The following RPS15 variants were observed in gnomAD, a reference collection of about 807,000 sequenced individuals.
RPS15 encodes the protein ribosomal protein S15.
RPS15 carries 5 observed loss-of-function variants against 14.9 expected under a neutral mutation model. The observed-to-expected ratio is 0.34, with a 90% CI of 0.18 to 0.70. RPS15 has a LOEUF of 0.70. Among genes scored for constraint, RPS15 ranks in the 30% least tolerant of loss-of-function variants. The pLI is 0.65. For synonymous variants in RPS15, 103 were observed against 85.0 expected, an observed-to-expected ratio of 1.21 and a Z score of -1.16; for missense variants, 102 against 204.2, an observed-to-expected ratio of 0.50 and a Z score of 3.05.
intron 2 of RPS15, 113 bp from the exon 3 acceptor site, chr19:1,439,906 C>G: frequency 2.3e-6 from 2 of 859,110 alleles, no homozygotes; most frequent in Non-Finnish European, 3.8e-6. Context: ...AGTGACAGGT[C>G]CACTGCGGCT....
chr19:1,439,043 C>A, intron 2 of RPS15, 151 bp downstream of exon 2: 1 of 642,184 alleles, frequency 1.6e-6, no homozygotes, highest in Non-Finnish European at 2.6e-6. Context: ...GTCTTGCGCC[C>A]AGAAAACTGT....
At position 1,440,244 on chromosome 19, in the gene RPS15, G is replaced by A. The variant is rs1336883587; in HGVS notation, c.315G>A (p.Val105=). 2 of 1,613,014 alleles carry A rather than the reference G, an allele frequency of 1.2e-6. No homozygotes were observed. Among genetic ancestry groups the A allele is most frequent in the Non-Finnish European group, 1.7e-6 (2 of 1,179,672 alleles). Residue 105 remains valine, a synonymous_variant, in exon 3 of 4, where the codon GTG becomes GTA. Transcript: ENST00000592588. ...GVYNGKTFNQ[V]EIKPEMIGHY... ...ACAACGGCAAGACCTTCAACCAGGT[G>A]GAGATCAAGGTGTGTGCGGCCGTCC...
Position 1,440,188 on chromosome 19 carries a change from C to G in RPS15, c.259C>G (p.Pro87Ala). ...KTHLRDMIIL[P>A]EMVGSMVGVY... ...GCACCTGCGGGACATGATCATCCTA[C>G]CCGAGATGGTGGGCAGCATGGTGGG... Residue 87 changes from proline to alanine, a missense_variant, in exon 3 of 4, where the codon CCC becomes GCC. This residue lies in a region of RPS15 where 32 missense variants were observed against 107.4 expected (regional missense o/e 0.30). Coordinates refer to ENST00000592588, the MANE Select transcript of RPS15 (RefSeq NM_001018.5). The G allele has an allele frequency of 1.2e-6, 2 of 1,613,092 alleles. No homozygotes were observed. Among genetic ancestry groups the G allele is most frequent in the Non-Finnish European group, 1.7e-6 (2 of 1,179,736 alleles).
rs2083628609 is a variant in RPS15 at position 1,438,713 on chromosome 19, G to C, written c.4-94G>C. 1.3e-6 allele frequency: 2 copies of C among 1,534,510 alleles called. No homozygotes were observed. Among genetic ancestry groups the C allele is most frequent in the African/African-American group, 2.8e-5 (2 of 72,628 alleles). ...TGTCCCTGTCGGGCTTCTGTCCCCG[G>C]CGGCGCCGCGCGTCTTCCGCGGTGT... On this transcript the variant is annotated intron_variant, in intron 1 of 3. Transcript: ENST00000592588. This position sits in a 1 kb window ranked among gnomAD's most constrained non-coding sequence, Gnocchi z 4.8.
In RPS15 at chr19:1,438,814, T is replaced by G; in HGVS notation, c.11T>G (p.Val4Gly). 1 of 1,593,248 alleles carries G rather than the reference T, an allele frequency of 6.3e-7. No homozygotes were observed. Among genetic ancestry groups the G allele is most frequent in the Non-Finnish European group, 8.5e-7 (1 of 1,170,760 alleles). Reference sequence around the variant, plus strand: ...CGATCCGCGCCCGCACAGGCAGAAGTAGAGCAGAAGAAGAAGCGGACCTTC... The same window carrying G: ...CGATCCGCGCCCGCACAGGCAGAAGGAGAGCAGAAGAAGAAGCGGACCTTC... MAE[V>G]EQKKKRTFRK... Residue 4 changes from valine (V) to glycine (G), a missense_variant, in exon 2 of 4, where the codon GTA becomes GGA. Around this residue, in one of 2 missense-constraint regions of RPS15, gnomAD observed 70 missense variants for 96.8 expected, o/e 0.72. Coordinates refer to ENST00000592588, the MANE Select transcript of RPS15 (RefSeq NM_001018.5). The surrounding 1 kb of genome is among the most constrained non-coding windows in gnomAD (Gnocchi z 4.8).
At position 1,438,939 on chromosome 19, in the gene RPS15, G is replaced by T; in HGVS notation, c.89+47G>T. On this transcript the variant is annotated intron_variant, in intron 2 of 3. Coordinates refer to ENST00000592588, the MANE Select transcript of RPS15 (RefSeq NM_001018.5). This position sits in a 1 kb window ranked among gnomAD's most constrained non-coding sequence, Gnocchi z 4.8. ...GCGGGCAGGGGCTGGGCCAGCGGTGGGGCTTGTCCGGGTGAGGGCGGCGGG... is the reference window on the plus strand; with the variant it reads ...GCGGGCAGGGGCTGGGCCAGCGGTGTGGCTTGTCCGGGTGAGGGCGGCGGG... 6.6e-7 allele frequency: 1 copy of T among 1,508,436 alleles called. No individual in the cohort carries two copies. The highest frequency in any genetic ancestry group is 9.0e-7 in the Non-Finnish European group (1 of 1,111,466). The allele number at this position is 1,508,436 out of a possible 1,614,324, so 93.4% of individuals were successfully genotyped here.
Position 1,438,740 on chromosome 19 carries a change from C to A in RPS15, c.4-67C>A. 1.3e-6 allele frequency: 2 copies of A among 1,545,948 alleles called. No homozygotes were observed. The highest frequency in any genetic ancestry group is 1.7e-6 in the Non-Finnish European group (2 of 1,143,388). ...GGCGCCGCGCGTCTTCCGCGGTGTCCTCGGGCCCGGTGGCCCCGGGAGATG... is the reference window on the plus strand; with the variant it reads ...GGCGCCGCGCGTCTTCCGCGGTGTCATCGGGCCCGGTGGCCCCGGGAGATG... On this transcript the variant is annotated intron_variant, in intron 1 of 3. Coordinates refer to ENST00000592588, the MANE Select transcript of RPS15 (RefSeq NM_001018.5). The surrounding 1 kb of genome is among the most constrained non-coding windows in gnomAD (Gnocchi z 4.8).
intron 3 of RPS15, 32 bp downstream of exon 3, chr19:1,440,285 G>C: frequency 1.2e-6 from 2 of 1,612,072 alleles, no homozygotes; most frequent in Non-Finnish European, 8.5e-7. Context: ...GGCTGGGGTG[G>C]GCTGGGGTCG....
chr19:1,438,634 G>T lies in RPS15; in HGVS notation c.4-173G>T. 6.5e-7 allele frequency: 1 copy of T among 1,532,796 alleles called. No individual in the cohort carries two copies. The highest frequency in any genetic ancestry group is 1.2e-5 in the South Asian group (1 of 82,074). The allele number at this position is 1,532,796 out of a possible 1,614,324, so 94.9% of individuals were successfully genotyped here. A position where few individuals can be genotyped will look rare whatever the true frequency, so the allele number is the denominator to read the frequency against. ...AAGGCCTGTCCGGGCCTTCATGTCC[G>T]GGTCCTCGTAACCCGGAGCCGCGAG... On this transcript the variant is annotated intron_variant, in intron 1 of 3. Coordinates refer to ENST00000592588, the MANE Select transcript of RPS15 (RefSeq NM_001018.5). This position sits in a 1 kb window ranked among gnomAD's most constrained non-coding sequence, Gnocchi z 4.8.
intron 2 of RPS15, chr19:1,439,159 G>A (rs1000807244): frequency 4.2e-6 from 2 of 480,120 alleles, no homozygotes; most frequent in Non-Finnish European, 7.3e-6. Context: ...ACGTGACTTA[G>A]AATAAGGGGC....
Position 1,440,010 on chromosome 19 carries a change from C to T in RPS15, c.90-9C>T. The T allele has an allele frequency of 6.5e-7, 1 of 1,545,540 alleles. No homozygotes were observed. The highest frequency in any genetic ancestry group is 1.2e-5 in the South Asian group (1 of 84,014). On this transcript the variant is annotated splice_polypyrimidine_tract_variant and intron_variant, in intron 2 of 3. Coordinates refer to ENST00000592588, the MANE Select transcript of RPS15 (RefSeq NM_001018.5). ...CCGCTCACAAAACTGCCTGGTGCATCCTCCCCAGCGAGCAGCTGATGCAGC... is the reference window on the plus strand; with the variant it reads ...CCGCTCACAAAACTGCCTGGTGCATTCTCCCCAGCGAGCAGCTGATGCAGC...
rs748516532 is a variant in RPS15, at chr19:1,440,190, C to G, written c.261C>G (p.Pro87=). The change falls in exon 3 of 4, where the codon CCC becomes CCG. Residue 87 remains proline (P), a synonymous_variant. Transcript: ENST00000592588. ...KTHLRDMIIL[P]EMVGSMVGVY... ...ACCTGCGGGACATGATCATCCTACC[C>G]GAGATGGTGGGCAGCATGGTGGGCG... 24 of 1,612,972 alleles carry G rather than the reference C, an allele frequency of 1.5e-5. No homozygotes were observed. Among genetic ancestry groups the G allele is most frequent in the Non-Finnish European group, 1.7e-5 (20 of 1,179,728 alleles).
At chr19:1,439,588 T>A in intron 2 of RPS15, 1 of 383,624 alleles carries the variant, frequency 2.6e-6, no homozygotes, top group East Asian at 5.0e-5. Flanking sequence ...GGAAACAGCG[T>A]TTCTCTGTGT....
intron 2 of RPS15, 192 bp from the exon 3 acceptor site, chr19:1,439,827 G>A (rs906291581): frequency 6.3e-6 from 4 of 638,784 alleles, no homozygotes; most frequent in South Asian, 1.8e-5. Context: ...CATGTGAGGG[G>A]TGAGTCGCGC....
At chr19:1,439,211 G>A (rs1160248353) in intron 2 of RPS15, 1 of 350,818 alleles carries the variant, frequency 2.9e-6, no homozygotes, top group African/African-American at 2.2e-5. Context: ...GGAGGTCGCT[G>A]GGTCCTTTCC....
At chr19:1,439,956 C>T (rs550779272) in intron 2 of RPS15, 63 bp from the exon 3 acceptor site, 2 of 1,328,340 alleles carry the variant, frequency 1.5e-6, no homozygotes, top group East Asian at 2.5e-5. Flanking sequence ...CTCTGTCCGC[C>T]GGAGTGCGTA....
rs916871838 is a variant in RPS15 at position 1,439,104 on chromosome 19, CT to C, written c.89+216del. 4.4e-5 allele frequency: 24 copies of C among 549,124 alleles called. No homozygotes were observed. The South Asian group carries it at 5.1e-4, about 12-fold the overall frequency. 34.0% of individuals were successfully genotyped at this position (549,124 alleles called of 1,614,324 possible). A position where few individuals can be genotyped will look rare whatever the true frequency, so the allele number is the denominator to read the frequency against. ...TTTGCAACCTGCCCCCCGTTGTTCA[CT>C]TTTCCGCGGCTTAGTTGGAAGGTGT... On this transcript the variant is annotated intron_variant, in intron 2 of 3. Coordinates refer to ENST00000592588, the MANE Select transcript of RPS15 (RefSeq NM_001018.5).
Position 1,438,594 on chromosome 19 carries a change from C to T in RPS15, c.3+166C>T. 6.5e-7 allele frequency: 1 copy of T among 1,545,438 alleles called. No individual in the cohort carries two copies. The highest frequency in any genetic ancestry group is 1.4e-5 in the African/African-American group (1 of 72,974). ...GGGGCGGACTTGGTGGGTGTCGGGACGACGCGGGGCTGGGAAGGCCTGTCC... is the reference window on the plus strand; with the variant it reads ...GGGGCGGACTTGGTGGGTGTCGGGATGACGCGGGGCTGGGAAGGCCTGTCC... On this transcript the variant is annotated intron_variant, in intron 1 of 3. Coordinates refer to ENST00000592588, the MANE Select transcript of RPS15 (RefSeq NM_001018.5). The surrounding 1 kb of genome is among the most constrained non-coding windows in gnomAD (Gnocchi z 4.8).
At chr19:1,439,053 TC>T (rs1227250527) in intron 2 of RPS15, 161 bp downstream of exon 2, 1 of 613,694 alleles carries the variant, frequency 1.6e-6, no homozygotes, top group East Asian at 3.0e-5. Flanking sequence ...CAGAAAACTG[TC>T]CAGAGACGTT....
Sources: allele counts gnomAD v4.1 joint callset, GRCh38; gene constraint gnomAD v4.1.1; regional missense constraint gnomAD v4.1.1; non-coding constraint Gnocchi (gnomAD v3.1); transcripts MANE v1.5; gene names NCBI Gene and HGNC (gene_info 2026-07-23, HGNC 2026-07-21).